The following LAPTM4B variants were observed in gnomAD, a reference collection of about 807,000 sequenced individuals.
LAPTM4B encodes the protein lysosomal-associated transmembrane protein 4B.
LAPTM4B carries 26 observed loss-of-function variants against 28.5 expected under a neutral mutation model. The observed-to-expected ratio is 0.91, with a 90% CI of 0.67 to 1.27. The LOEUF (loss-of-function observed/expected upper bound fraction) is 1.27. Ranked by LOEUF, LAPTM4B falls within the 50% of genes most tolerant of loss-of-function variation. The pLI is 0.00. For synonymous variants in LAPTM4B, 109 were observed against 106.4 expected, an observed-to-expected ratio of 1.02 and a Z score of -0.15; for missense variants, 288 against 285.8, an observed-to-expected ratio of 1.01 and a Z score of -0.06.
rs189003353 is a variant in LAPTM4B at position 97,818,376 on chromosome 8, T to C, written c.409-764T>C. ...TGGTGAAGGGAGATAAAAGATGAGATAGCACAGTAGGCTGCCTTCCCATTC... is the reference window on the plus strand; with the variant it reads ...TGGTGAAGGGAGATAAAAGATGAGACAGCACAGTAGGCTGCCTTCCCATTC... On this transcript the variant is annotated intron_variant, in intron 4 of 6. Coordinates refer to ENST00000521545, the MANE Select transcript of LAPTM4B (RefSeq NM_018407.6). 2.0e-4 allele frequency among the ~76,000 whole-genome samples: 30 copies of C among 152,278 alleles called. No homozygotes were observed. In the East Asian group the frequency reaches 4.8e-3, roughly 25 times the overall value.
intron 2 of LAPTM4B, among the ~76,000 whole-genome samples, chr8:97,809,283 C>T (rs1816794790): frequency 6.6e-6 from 1 of 152,174 alleles, no homozygotes; most frequent in South Asian, 2.1e-4. Flanking sequence ...AATCCCGCTA[C>T]TGGAATTGTG....
chr8:97,830,755 C>T (rs867872678), intron 6 of LAPTM4B, among the ~76,000 whole-genome samples: 34 of 151,982 alleles, frequency 2.2e-4, no homozygotes, highest in African/African-American at 6.0e-4. Context: ...TCCTGTCCAC[C>T]GAGGTTGTAG....
At chr8:97,808,577 A>G (rs919300804) in intron 2 of LAPTM4B, among the ~76,000 whole-genome samples, 1 of 152,210 alleles carries the variant, frequency 6.6e-6, no homozygotes, top group Admixed American at 6.5e-5. Flanking sequence ...ACCAAAACAC[A>G]TATAAAAGAA....
chr8:97,804,642 A>C (rs1031569227), intron 1 of LAPTM4B, among the ~76,000 whole-genome samples: 5 of 152,232 alleles, frequency 3.3e-5, no homozygotes, highest in Non-Finnish European at 5.9e-5. Flanking sequence ...ATAGTGCCTG[A>C]ATGTTTTTCA....
At chr8:97,786,168 C>G (rs1427811304) in intron 1 of LAPTM4B, among the ~76,000 whole-genome samples, 1 of 152,122 alleles carries the variant, frequency 6.6e-6, no homozygotes. Context: ...CTTAGTAGAG[C>G]TTTTGGAGAC....
At chr8:97,777,295 C>T (rs976027460) in intron 1 of LAPTM4B, among the ~76,000 whole-genome samples, 17 of 151,452 alleles carry the variant, frequency 1.1e-4, no homozygotes, top group Non-Finnish European at 2.2e-4. Flanking sequence ...TGCAGGCGCC[C>T]GCCACTATGC....
At position 97,844,582 on chromosome 8, in the gene LAPTM4B, C is replaced by T. The variant is rs1263112613; in HGVS notation, c.604-6815C>T. Among the ~76,000 whole-genome samples, 4 of 152,274 alleles carry T rather than the reference C, an allele frequency of 2.6e-5. 1 individual carries two copies. Among genetic ancestry groups the T allele is most frequent in the African/African-American group, 9.6e-5 (4 of 41,542 alleles). On this transcript the variant is annotated intron_variant, in intron 6 of 6. Coordinates refer to ENST00000521545, the MANE Select transcript of LAPTM4B (RefSeq NM_018407.6). ...GTCTCATTGTGGAGGTGGGGTTTCA[C>T]AAGACTGGAAGACTTCTGTATGAAA...
chr8:97,839,393 A>G (rs945061743), intron 6 of LAPTM4B, among the ~76,000 whole-genome samples: 1 of 152,056 alleles, frequency 6.6e-6, no homozygotes, highest in African/African-American at 2.4e-5. Context: ...GGGTTTCACC[A>G]TGTTGCCCAG....
chr8:97,799,960 T>C (rs750308093), intron 1 of LAPTM4B, among the ~76,000 whole-genome samples: 2 of 152,180 alleles, frequency 1.3e-5, no homozygotes, highest in African/African-American at 2.4e-5. Context: ...TCTTCATCTT[T>C]TGAGTTCCTG....
intron 6 of LAPTM4B, among the ~76,000 whole-genome samples, chr8:97,836,819 T>C (rs1327708419): frequency 6.6e-6 from 1 of 152,136 alleles, no homozygotes; most frequent in African/African-American, 2.4e-5. Context: ...AAACTTATTG[T>C]TTTAACTTCA....
intron 6 of LAPTM4B, among the ~76,000 whole-genome samples, chr8:97,836,076 C>T (rs1257675616): frequency 6.6e-6 from 1 of 152,110 alleles, no homozygotes; most frequent in African/African-American, 2.4e-5. Context: ...CACACAGCCC[C>T]CTCACCCCCT....
At chr8:97,790,781 C>T (rs1816484904) in intron 1 of LAPTM4B, among the ~76,000 whole-genome samples, 1 of 152,108 alleles carries the variant, frequency 6.6e-6, no homozygotes, top group Non-Finnish European at 1.5e-5. Context: ...GCTCTATTGC[C>T]CAGGCTGGAG....
At chr8:97,793,302 G>A (rs1212085422) in intron 1 of LAPTM4B, among the ~76,000 whole-genome samples, 4 of 151,984 alleles carry the variant, frequency 2.6e-5, no homozygotes, top group Non-Finnish European at 5.9e-5. Context: ...TCTTCCACTG[G>A]ACTAATGTTG....
chr8:97,816,047 G>T lies in LAPTM4B; in HGVS notation c.286-11G>T. 1 of 1,593,376 alleles carries T rather than the reference G, an allele frequency of 6.3e-7. No homozygotes were observed. The highest frequency in any genetic ancestry group is 1.2e-5 in the South Asian group (1 of 86,512). On this transcript the variant is annotated splice_polypyrimidine_tract_variant and intron_variant, in intron 3 of 6. Transcript: ENST00000521545. The stretch of plus-strand genomic sequence containing the variant: ...TGAACACATTAACTTTCTATTTTCT[G>T]TTCTGTTTAGCAACGCGCAGCCTGG...
At chr8:97,817,683 C>T (rs988772109) in intron 4 of LAPTM4B, among the ~76,000 whole-genome samples, 2 of 151,942 alleles carry the variant, frequency 1.3e-5, no homozygotes, top group African/African-American at 4.8e-5. Flanking sequence ...CATTTAGCCT[C>T]AGAGGATCCA....
intron 1 of LAPTM4B, among the ~76,000 whole-genome samples, chr8:97,776,556 T>A (rs1816219790): frequency 6.6e-6 from 1 of 152,208 alleles, no homozygotes; most frequent in South Asian, 2.1e-4. Context: ...GCTCTGTGGT[T>A]AGGGTTGCGG....
chr8:97,824,668 A>C (rs750157248), intron 5 of LAPTM4B, among the ~76,000 whole-genome samples: 1 of 152,240 alleles, frequency 6.6e-6, no homozygotes, highest in Non-Finnish European at 1.5e-5. Flanking sequence ...CCAAAGAAGC[A>C]GTTAAACTGT....
intron 1 of LAPTM4B, among the ~76,000 whole-genome samples, chr8:97,785,132 A>G (rs183557402): frequency 1.3e-5 from 2 of 150,812 alleles, no homozygotes; most frequent in Admixed American, 1.3e-4. Flanking sequence ...GTCACCCATG[A>G]TGGAGTGCAG....
intron 5 of LAPTM4B, among the ~76,000 whole-genome samples, chr8:97,820,093 A>G (rs1269264236): frequency 6.6e-6 from 1 of 152,088 alleles, no homozygotes; most frequent in Non-Finnish European, 1.5e-5. Context: ...TAGGTTGTCA[A>G]ATTGATGTCC....
Sources: gnomAD v4.1 joint callset for allele counts (sites outside exome capture counted in the v4.1 genomes callset) on GRCh38, gnomAD v4.1.1 for gene constraint, MANE v1.5 for transcripts, NCBI Gene and HGNC (gene_info 2026-07-23, HGNC 2026-07-21) for gene names.